Variants in FBXO38 observed in about 807,000 individuals in gnomAD.
FBXO38 encodes the protein F-box protein 38.
In FBXO38, 53 loss-of-function variants were observed where a neutral mutation model predicts 131.9. The ratio of observed to expected loss-of-function variants is 0.40; its 90% CI spans 0.32 to 0.51. The LOEUF is 0.51. Among genes scored for constraint, FBXO38 ranks in the 20% least tolerant of loss-of-function variants. The pLI is 0.53. For missense variants in FBXO38, 1,076 were observed against 1,475.6 expected (o/e 0.73, Z 4.44); for synonymous variants, 452 against 505.6 (o/e 0.89, Z 1.42).
At position 148,437,483 on chromosome 5, in the gene FBXO38, G is replaced by A. The variant is rs955168399; in HGVS notation, c.2858-849G>A. 2.6e-5 allele frequency among the ~76,000 whole-genome samples: 4 copies of A among 152,098 alleles called. No individual in the cohort carries two copies. The South Asian group carries it at 8.3e-4, about 32-fold the overall frequency. ...TTAGTTACATTAGATTGCACAAGACGATGATGACATTTGGGTCAAGGATGT... is the reference window on the plus strand; with the variant it reads ...TTAGTTACATTAGATTGCACAAGACAATGATGACATTTGGGTCAAGGATGT... On this transcript the variant is annotated intron_variant, in intron 17 of 21. Transcript: ENST00000340253.
At position 148,392,426 on chromosome 5, in the gene FBXO38, G is replaced by C. The variant is rs10071193; in HGVS notation, c.-63-2288G>C. On this transcript the variant is annotated intron_variant, in intron 1 of 21. Transcript: ENST00000340253. ...GTATCTTTGTTTTGGGGAGGGGGAG[G>C]GTTCGTGATATGAAGGAGTTCATTT... is the stretch of plus-strand genomic sequence containing the variant. Among the ~76,000 whole-genome samples the C allele has an allele frequency of 9.0e-3, 1,372 of 151,934 alleles. 21 individuals carry two copies. Among genetic ancestry groups the C allele is most frequent in the African/African-American group, 0.032 (1,311 of 41,328 alleles).
chr5:148,407,879 C>T (rs572281946), intron 7 of FBXO38, among the ~76,000 whole-genome samples: 191 of 151,606 alleles, frequency 1.3e-3, no homozygotes, highest in African/African-American at 4.4e-3. Context: ...GAGCCTAGAT[C>T]GCACCACTGC....
Position 148,442,276 on chromosome 5 carries a change from A to G in FBXO38, c.*129A>G, listed in dbSNP as rs1754730863. 2 of 642,416 alleles carry G rather than the reference A, an allele frequency of 3.1e-6. No individual in the cohort carries two copies. Among genetic ancestry groups the G allele is most frequent in the African/African-American group, 1.8e-5 (1 of 54,898 alleles). 39.8% of individuals were successfully genotyped at this position (642,416 alleles called of 1,614,324 possible). A position where few individuals can be genotyped will look rare whatever the true frequency, so the allele number is the denominator to read the frequency against. On this transcript the variant is annotated 3_prime_UTR_variant, in exon 22 of 22. Transcript: ENST00000340253. ...GCTCGGTTTGCTATATAGGGAATAT[A>G]TAAGGAACATCGAAATTGTATACAA...
chr5:148,422,927 A>G (rs1753520685), intron 12 of FBXO38, among the ~76,000 whole-genome samples: 1 of 151,838 alleles, frequency 6.6e-6, no homozygotes, highest in Admixed American at 6.6e-5. Context: ...TTTCTTTCGC[A>G]TCTCTATCAC....
intron 1 of FBXO38, among the ~76,000 whole-genome samples, chr5:148,385,991 G>T (rs1757894299): frequency 6.6e-6 from 1 of 152,142 alleles, no homozygotes; most frequent in Non-Finnish European, 1.5e-5. Flanking sequence ...ACACTTTTTG[G>T]AAACAACTCT....
intron 1 of FBXO38, among the ~76,000 whole-genome samples, chr5:148,386,474 G>A (rs1306451287): frequency 2.0e-5 from 3 of 152,024 alleles, no homozygotes; most frequent in Non-Finnish European, 4.4e-5. Context: ...GCTTGCATGA[G>A]TCTGGAAAAC....
At chr5:148,436,854 C>G (rs534127519) in intron 17 of FBXO38, among the ~76,000 whole-genome samples, 1 of 152,340 alleles carries the variant, frequency 6.6e-6, no homozygotes, top group African/African-American at 2.4e-5. Flanking sequence ...TCTTAAATTA[C>G]TATCTCCTAT....
At chr5:148,388,827 C>G (rs1298847028) in intron 1 of FBXO38, among the ~76,000 whole-genome samples, 1 of 152,194 alleles carries the variant, frequency 6.6e-6, no homozygotes, top group African/African-American at 2.4e-5. Context: ...ACTGGAGTAA[C>G]AATTTTCTCA....
chr5:148,402,883 GT>G (rs971663647), intron 5 of FBXO38, among the ~76,000 whole-genome samples: 7 of 151,868 alleles, frequency 4.6e-5, no homozygotes, highest in Non-Finnish European at 1.0e-4. Context: ...ACTTTATTCT[GT>G]ATATATACAC....
chr5:148,425,801 C>T (rs543877267), intron 14 of FBXO38, 100 bp downstream of exon 14: 11 of 1,000,600 alleles, frequency 1.1e-5, no homozygotes, highest in African/African-American at 3.3e-5. Context: ...ACATATATTA[C>T]GGAATGTGAC....
intron 4 of FBXO38, 87 bp from the exon 5 acceptor site, chr5:148,402,261 A>G (rs1247375400): frequency 5.2e-6 from 8 of 1,541,010 alleles, no homozygotes; most frequent in Middle Eastern, 1.7e-4. Flanking sequence ...TTTAAGTTCC[A>G]TTGTGTACTT....
At chr5:148,440,245 G>C in intron 19 of FBXO38, 179 bp from the exon 20 acceptor site, 1 of 548,744 alleles carries the variant, frequency 1.8e-6, no homozygotes, top group Non-Finnish European at 3.3e-6. Context: ...AAGTAGTTTT[G>C]ACCTGACTAC....
chr5:148,409,253 G>C (rs776804716), intron 8 of FBXO38, 36 bp downstream of exon 8: 24 of 1,334,278 alleles, frequency 1.8e-5, no homozygotes, highest in Non-Finnish European at 2.6e-5. Context: ...TCTCACTTTA[G>C]AAGTAATTAT....
intron 11 of FBXO38, 58 bp from the exon 12 acceptor site, chr5:148,416,936 A>G: frequency 1.0e-6 from 1 of 973,716 alleles, no homozygotes; most frequent in Non-Finnish European, 1.7e-6. Flanking sequence ...GATATTAAAA[A>G]TGAAGGGATA....
chr5:148,402,323 T>G, intron 4 of FBXO38, 25 bp from the exon 5 acceptor site: 1 of 1,583,032 alleles, frequency 6.3e-7, no homozygotes, highest in South Asian at 1.1e-5. Context: ...TCTTTTCTTA[T>G]GCTTGCTTTG....
At chr5:148,393,110 G>A (rs1758285399) in intron 1 of FBXO38, among the ~76,000 whole-genome samples, 1 of 151,550 alleles carries the variant, frequency 6.6e-6, no homozygotes, top group Non-Finnish European at 1.5e-5. Flanking sequence ...ATTCAGGGTA[G>A]CATAGCCCAT....
At chr5:148,419,981 G>A (rs1331318458) in intron 12 of FBXO38, among the ~76,000 whole-genome samples, 1 of 149,904 alleles carries the variant, frequency 6.7e-6, no homozygotes, top group Non-Finnish European at 1.5e-5. Context: ...TTATAATTTG[G>A]CAGGATATTA....
chr5:148,398,687 TTTC>T (rs1400307613), intron 2 of FBXO38, among the ~76,000 whole-genome samples: 1 of 152,046 alleles, frequency 6.6e-6, no homozygotes, highest in Non-Finnish European at 1.5e-5. Flanking sequence ...TTTTTTTTTT[TTTC>T]TTCTTTTCTT....
chr5:148,399,250 C>T (rs988161453), intron 3 of FBXO38, 118 bp downstream of exon 3: 1 of 1,132,770 alleles, frequency 8.8e-7, no homozygotes, highest in African/African-American at 1.6e-5. Flanking sequence ...TGTAGGCTGG[C>T]AAGATTTTGT....
Sources: gnomAD v4.1 joint callset for allele counts (sites outside exome capture counted in the v4.1 genomes callset) on GRCh38, gnomAD v4.1.1 for gene constraint, MANE v1.5 for transcripts, NCBI Gene and HGNC (gene_info 2026-07-23, HGNC 2026-07-21) for gene names.